The following MVB12B variants were observed in gnomAD, a reference collection of about 807,000 sequenced individuals.
MVB12B encodes the protein ESCRT-I complex subunit MVB12B.
A neutral mutation model predicts 41.6 loss-of-function variants in MVB12B; 16 were observed. The ratio of observed to expected loss-of-function variants is 0.38; its 90% CI spans 0.26 to 0.58. The LOEUF is 0.58. Among genes scored for constraint, MVB12B ranks in the 20% least tolerant of loss-of-function variants. The pLI is 0.62. For synonymous variants in MVB12B, 133 were observed against 139.7 expected, an observed-to-expected ratio of 0.95 and a Z score of 0.34; for missense variants, 274 against 380.2, an observed-to-expected ratio of 0.72 and a Z score of 2.32.
chr9:126,483,431 G>A (rs1375279145), intron 8 of MVB12B, among the ~76,000 whole-genome samples: 1 of 152,200 alleles, frequency 6.6e-6, no homozygotes, highest in African/African-American at 2.4e-5. Flanking sequence ...TTGATGGGCA[G>A]TTGTTTCATT....
intron 7 of MVB12B, among the ~76,000 whole-genome samples, chr9:126,454,807 G>C (rs566089972): frequency 2.0e-5 from 3 of 151,284 alleles, no homozygotes; most frequent in African/African-American, 7.3e-5. Flanking sequence ...TTTTTAACCA[G>C]CCAGGAAAAT....
chr9:126,438,229 G>A (rs1832539082), intron 7 of MVB12B, among the ~76,000 whole-genome samples: 1 of 152,204 alleles, frequency 6.6e-6, no homozygotes, highest in African/African-American at 2.4e-5. Context: ...TTCTTTTAAT[G>A]ACCAGCGTGT....
At chr9:126,440,741 A>G (rs1832613546) in intron 7 of MVB12B, among the ~76,000 whole-genome samples, 1 of 152,190 alleles carries the variant, frequency 6.6e-6, no homozygotes, top group Admixed American at 6.5e-5. Flanking sequence ...AGAACCAGTG[A>G]GTTCAGAGAC....
intron 7 of MVB12B, among the ~76,000 whole-genome samples, chr9:126,432,629 A>G (rs1361705289): frequency 1.3e-5 from 2 of 152,220 alleles, no homozygotes; most frequent in South Asian, 2.1e-4. Context: ...ATTTAATCCC[A>G]ACAAATCCTT....
chr9:126,422,079 T>C (rs1006408705), intron 7 of MVB12B, 131 bp downstream of exon 7: 39 of 676,076 alleles, frequency 5.8e-5, no homozygotes, highest in South Asian at 1.0e-4. Context: ...GGGGACCTGT[T>C]CCCTGCAGGG....
intron 2 of MVB12B, among the ~76,000 whole-genome samples, chr9:126,377,693 T>C (rs1216317293): frequency 6.6e-6 from 1 of 152,030 alleles, no homozygotes; most frequent in Non-Finnish European, 1.5e-5. Context: ...GCCGTTGTCC[T>C]TGTGAAGCTT....
At chr9:126,455,115 C>T (rs544112808) in intron 7 of MVB12B, among the ~76,000 whole-genome samples, 1 of 152,284 alleles carries the variant, frequency 6.6e-6, no homozygotes, top group East Asian at 1.9e-4. Context: ...CCAGTAAGAC[C>T]CACAGCTCCC....
intron 7 of MVB12B, among the ~76,000 whole-genome samples, chr9:126,461,774 GGGTGGGTGGGCT>G (rs1487469816): frequency 6.6e-6 from 1 of 152,132 alleles, no homozygotes; most frequent in Non-Finnish European, 1.5e-5. Context: ...TGGGCTCCCG[GGGTGGGTGGGCT>G]GGTGGGTGTC....
chr9:126,384,828 T>C (rs1830730146), intron 3 of MVB12B, among the ~76,000 whole-genome samples: 1 of 128,320 alleles, frequency 7.8e-6, no homozygotes, highest in Non-Finnish European at 1.6e-5. Context: ...CCACCATGCC[T>C]GGCAGATTTT....
Position 126,391,997 on chromosome 9 carries a change from G to A in MVB12B, c.410-69G>A. 6.4e-7 allele frequency: 1 copy of A among 1,572,436 alleles called. No homozygotes were observed. Among genetic ancestry groups the A allele is most frequent in the Non-Finnish European group, 8.7e-7 (1 of 1,144,118 alleles). On this transcript the variant is annotated intron_variant, in intron 4 of 9. Transcript: ENST00000361171. This position sits in a 1 kb window ranked among gnomAD's most constrained non-coding sequence, Gnocchi z 4.4. ...CCAGGAATAGGGCGTGACAGGGGATGTGGTTTTCAGAATAGAGATTCTGGT... is the reference window on the plus strand; with the variant it reads ...CCAGGAATAGGGCGTGACAGGGGATATGGTTTTCAGAATAGAGATTCTGGT...
At position 126,436,579 on chromosome 9, in the gene MVB12B, G is replaced by T. The variant is rs1057272410; in HGVS notation, c.757+14631G>T. Among the ~76,000 whole-genome samples, 1 of 152,234 alleles carries T rather than the reference G, an allele frequency of 6.6e-6. No individual in the cohort carries two copies. Among genetic ancestry groups the T allele is most frequent in the Non-Finnish European group, 1.5e-5 (1 of 68,054 alleles). On this transcript the variant is annotated intron_variant, in intron 7 of 9. Coordinates refer to ENST00000361171, the MANE Select transcript of MVB12B (RefSeq NM_033446.3). The surrounding 1 kb of genome is among the most constrained non-coding windows in gnomAD (Gnocchi z 4.1). ...TCATTTGTAAATGCTTTAGCTACAT[G>T]TATGTGTATGTATGCAACTTGCAGC... is the stretch of plus-strand genomic sequence containing the variant.
intron 6 of MVB12B, among the ~76,000 whole-genome samples, chr9:126,411,946 C>T (rs1279675303): frequency 6.6e-6 from 1 of 152,156 alleles, no homozygotes; most frequent in Non-Finnish European, 1.5e-5. Context: ...GAGGAGGATT[C>T]GAGTGTTAGT....
At chr9:126,419,046 C>A (rs1221369811) in intron 6 of MVB12B, among the ~76,000 whole-genome samples, 1 of 152,218 alleles carries the variant, frequency 6.6e-6, no homozygotes. Context: ...TCTCCTCTGC[C>A]TCCTGGCTGG....
At chr9:126,406,009 A>G (rs1831409684) in intron 6 of MVB12B, among the ~76,000 whole-genome samples, 1 of 151,262 alleles carries the variant, frequency 6.6e-6, no homozygotes, top group Non-Finnish European at 1.5e-5. Flanking sequence ...TGTGAGGTGA[A>G]TAATTGTGTC....
At chr9:126,469,978 A>G (rs1222273809) in intron 7 of MVB12B, among the ~76,000 whole-genome samples, 1 of 152,246 alleles carries the variant, frequency 6.6e-6, no homozygotes, top group East Asian at 1.9e-4. Context: ...AAAGACAATA[A>G]CAATACCTGG....
At chr9:126,449,265 T>C (rs1232786014) in intron 7 of MVB12B, among the ~76,000 whole-genome samples, 9 of 151,958 alleles carry the variant, frequency 5.9e-5, no homozygotes, top group Admixed American at 5.2e-4. Flanking sequence ...CCGGTACAAA[T>C]ACAACCTGCA....
chr9:126,407,523 C>T (rs1831477439), intron 6 of MVB12B, among the ~76,000 whole-genome samples: 2 of 152,150 alleles, frequency 1.3e-5, no homozygotes, highest in South Asian at 2.1e-4. Flanking sequence ...TTAGAACTGT[C>T]GAGTCTTCCT....
chr9:126,456,595 C>T (rs930879431), intron 7 of MVB12B, among the ~76,000 whole-genome samples: 4 of 152,174 alleles, frequency 2.6e-5, no homozygotes, highest in African/African-American at 7.2e-5. Flanking sequence ...CTCAGATACT[C>T]GGAATATGGT....
intron 7 of MVB12B, among the ~76,000 whole-genome samples, chr9:126,453,444 A>G (rs913110709): frequency 3.3e-5 from 5 of 152,138 alleles, no homozygotes; most frequent in African/African-American, 9.7e-5. Flanking sequence ...CTTCTCAAGT[A>G]TGGAGTTTTG....
Sources: allele counts gnomAD v4.1 joint callset (sites outside exome capture counted in the v4.1 genomes callset), GRCh38; gene constraint gnomAD v4.1.1; non-coding constraint Gnocchi (gnomAD v3.1); transcripts MANE v1.5; gene names NCBI Gene and HGNC (gene_info 2026-07-23, HGNC 2026-07-21).